Variants in ROBO1 observed in about 807,000 individuals in gnomAD.
The protein encoded by ROBO1 is roundabout homolog 1.
Under a neutral mutation model 195.9 loss-of-function variants are expected in ROBO1, and 149 were observed. The observed-to-expected ratio is 0.76, with a 90% CI of 0.67 to 0.87. The LOEUF is 0.87. Ranked by LOEUF, ROBO1 falls within the 40% of genes least tolerant of loss-of-function variation. The probability of loss-of-function intolerance (pLI) is 0.00; values close to 1 mark genes in which losing one functional copy is unlikely to be tolerated. For missense variants in ROBO1, 1,933 were observed against 2,068.3 expected (o/e 0.93, Z 1.27); for synonymous variants, 816 against 733.2 (o/e 1.11, Z -1.82).
At chr3:79,347,282 C>T (rs552628341) in intron 2 of ROBO1, among the ~76,000 whole-genome samples, 4 of 152,190 alleles carry the variant, frequency 2.6e-5, no homozygotes, top group Admixed American at 6.5e-5. Flanking sequence ...TCCTCTTCAA[C>T]GTGTGTGTGT....
chr3:79,033,795 A>G (rs1426084949), intron 3 of ROBO1, among the ~76,000 whole-genome samples: 1 of 152,164 alleles, frequency 6.6e-6, no homozygotes. Flanking sequence ...TCTCAGCTAC[A>G]ATATATATTA....
At chr3:78,694,245 GCCAAATGCAGAACTTTTTCATAATA>G (rs1415781724) in intron 8 of ROBO1, among the ~76,000 whole-genome samples, 1 of 152,026 alleles carries the variant, frequency 6.6e-6, no homozygotes, top group Non-Finnish European at 1.5e-5. Context: ...TATAATTACT[GCCAAATGCAGAACTTTTTCATAATA>G]GCCCCAGCAG....
chr3:78,975,391 T>G (rs17379690), intron 3 of ROBO1, among the ~76,000 whole-genome samples: 14,755 of 152,146 alleles, frequency 0.097, 896 homozygotes, highest in African/African-American at 0.18. Context: ...AGTGGTTTCA[T>G]AAAAATAAAG....
At chr3:79,384,165 G>T (rs983474069) in intron 2 of ROBO1, among the ~76,000 whole-genome samples, 28 of 151,866 alleles carry the variant, frequency 1.8e-4, no homozygotes, top group Non-Finnish European at 4.0e-4. Flanking sequence ...CAGAATTAAA[G>T]AAAATATCTT....
intron 1 of ROBO1, among the ~76,000 whole-genome samples, chr3:79,643,407 T>C (rs2106686586): frequency 6.6e-6 from 1 of 152,248 alleles, no homozygotes; most frequent in South Asian, 2.1e-4. Flanking sequence ...AAACTCCCGT[T>C]CATATATACA....
chr3:78,700,769 T>C (rs1007894745), intron 8 of ROBO1, among the ~76,000 whole-genome samples: 55 of 64,694 alleles, frequency 8.5e-4, no homozygotes, highest in African/African-American at 1.6e-3. Context: ...TTTTTCTTTT[T>C]TTTTTTTTTT....
intron 4 of ROBO1, among the ~76,000 whole-genome samples, chr3:78,856,289 A>G (rs2106926433): frequency 6.8e-6 from 1 of 147,758 alleles, no homozygotes; most frequent in East Asian, 1.9e-4. Flanking sequence ...CCTAGCAAAA[A>G]AAAGAAAAAA....
intron 2 of ROBO1, chr3:79,512,833 G>A (rs555828802): frequency 1.1e-3 from 161 of 152,186 alleles, no homozygotes; most frequent in African/African-American, 3.7e-3. Flanking sequence ...AATGCAAGCC[G>A]TTGAAAAATA....
chr3:79,226,677 G>T (rs967421051), intron 2 of ROBO1, among the ~76,000 whole-genome samples: 3 of 151,346 alleles, frequency 2.0e-5, no homozygotes, highest in Admixed American at 6.6e-5. Context: ...TGTATTTGCG[G>T]CCACAACATG....
At chr3:79,288,976 T>C (rs991755287) in intron 2 of ROBO1, among the ~76,000 whole-genome samples, 5 of 152,178 alleles carry the variant, frequency 3.3e-5, no homozygotes, top group Non-Finnish European at 7.3e-5. Context: ...TCAATGTTGT[T>C]GTAAGGAAGT....
chr3:79,587,606 G>A (rs1943869356), intron 2 of ROBO1, among the ~76,000 whole-genome samples: 1 of 151,614 alleles, frequency 6.6e-6, no homozygotes, highest in South Asian at 2.1e-4. Context: ...GAAAAAATCA[G>A]TTGAATAAGA....
chr3:78,886,161 T>C (rs1404627006), intron 4 of ROBO1, among the ~76,000 whole-genome samples: 1 of 151,806 alleles, frequency 6.6e-6, no homozygotes, highest in Admixed American at 6.6e-5. Context: ...TAATCAAAAT[T>C]ATAGTATTTT....
chr3:78,869,395 C>T (rs2035403259), intron 4 of ROBO1, among the ~76,000 whole-genome samples: 1 of 152,136 alleles, frequency 6.6e-6, no homozygotes, highest in Admixed American at 6.6e-5. Context: ...ATGTATGCTA[C>T]AGTGAAACAA....
At chr3:78,636,140 C>G in intron 22 of ROBO1, 32 bp from the exon 23 acceptor site, 1 of 1,476,910 alleles carries the variant, frequency 6.8e-7, no homozygotes, top group South Asian at 1.2e-5. Flanking sequence ...AGGAAAAAAT[C>G]ATTCTGCGTG....
rs191113833 is a variant in ROBO1, at chr3:79,554,712, C to T, written c.88+35112G>A. On this transcript the variant is annotated intron_variant, in intron 2 of 30. Coordinates refer to ENST00000464233, the MANE Select transcript of ROBO1 (RefSeq NM_002941.4). ...TGCCAAAGAGCTGAAAAAGGAAAGA[C>T]TTTAGGAAGATATTTGATACAGTGG... Among the ~76,000 whole-genome samples, 626 of 152,090 alleles carry T rather than the reference C, an allele frequency of 4.1e-3. 2 individuals are homozygous for T. The highest frequency in any genetic ancestry group is 0.013 in the African/African-American group (537 of 41,514).
chr3:78,786,780 A>G (rs1353246214), intron 4 of ROBO1, among the ~76,000 whole-genome samples: 2 of 152,152 alleles, frequency 1.3e-5, no homozygotes, highest in African/African-American at 2.4e-5. Flanking sequence ...GCCATATGGA[A>G]TTGTTGAGTC....
At chr3:78,808,942 G>T (rs558978302) in intron 4 of ROBO1, among the ~76,000 whole-genome samples, 96 of 152,084 alleles carry the variant, frequency 6.3e-4, no homozygotes, top group Non-Finnish European at 1.0e-3. Flanking sequence ...CATGGGCAAG[G>T]ACTTCATGAC....
chr3:78,636,896 T>A, intron 22 of ROBO1, among the ~76,000 whole-genome samples: 2 of 142,546 alleles, frequency 1.4e-5, no homozygotes, highest in East Asian at 2.1e-4. Flanking sequence ...ATTTGGACAT[T>A]AAATAACTGA....
At chr3:79,039,138 C>A (rs1175792952) in intron 3 of ROBO1, among the ~76,000 whole-genome samples, 1 of 152,180 alleles carries the variant, frequency 6.6e-6, no homozygotes, top group African/African-American at 2.4e-5. Flanking sequence ...TGTTCTATAT[C>A]TTTCGGTAAA....
Sources: allele counts gnomAD v4.1 joint callset (sites outside exome capture counted in the v4.1 genomes callset), GRCh38; gene constraint gnomAD v4.1.1; transcripts MANE v1.5; gene names NCBI Gene and HGNC (gene_info 2026-07-23, HGNC 2026-07-21).